The following CDCA4 variants were observed in gnomAD, a reference collection of about 807,000 sequenced individuals.
The protein encoded by CDCA4 is cell division cycle-associated protein 4.
For missense variants in CDCA4, 294 were observed against 322.1 expected, an observed-to-expected ratio of 0.91 and a Z score of 0.67; for synonymous variants, 130 against 137.0, an observed-to-expected ratio of 0.95 and a Z score of 0.36.
At chr14:105,015,596 C>A (rs1030318395) in intron 1 of CDCA4, among the ~76,000 whole-genome samples, 2 of 152,182 alleles carry the variant, frequency 1.3e-5, no homozygotes, top group African/African-American at 4.8e-5. Flanking sequence ...TAACCGACAA[C>A]CTCTCCAGTT....
In CDCA4 at chr14:105,011,077, TG is replaced by T; in HGVS notation, c.*126del. 8.4e-7 allele frequency: 1 copy of T among 1,187,734 alleles called. No homozygotes were observed. Among genetic ancestry groups the T allele is most frequent in the Non-Finnish European group, 1.2e-6 (1 of 868,598 alleles). 73.6% of individuals were successfully genotyped at this position (1,187,734 alleles called of 1,614,324 possible). ...CAGCCCCACTGGTAATGGGCTGTTC[TG>T]GGATTTCTCAGAATCAGCAGACAGG... On this transcript the variant is annotated 3_prime_UTR_variant, in exon 2 of 2. Coordinates refer to ENST00000336219, the MANE Select transcript of CDCA4 (RefSeq NM_017955.4).
chr14:105,017,701 C>A (rs1052781829), intron 1 of CDCA4, among the ~76,000 whole-genome samples: 1 of 151,982 alleles, frequency 6.6e-6, no homozygotes, highest in Non-Finnish European at 1.5e-5. Context: ...TGTGGTGGCA[C>A]GTGCCTGTAG....
intron 1 of CDCA4, among the ~76,000 whole-genome samples, chr14:105,017,964 A>G (rs776371226): frequency 1.3e-5 from 2 of 152,176 alleles, no homozygotes; most frequent in African/African-American, 2.4e-5. Context: ...ATTTCAAAAC[A>G]TTATGCTGAA....
chr14:105,019,983 T>G (rs1385000095), intron 1 of CDCA4, among the ~76,000 whole-genome samples: 1 of 152,230 alleles, frequency 6.6e-6, no homozygotes, highest in Non-Finnish European at 1.5e-5. Flanking sequence ...CTCAAAGTGC[T>G]GGGAGGTGTG....
intron 1 of CDCA4, among the ~76,000 whole-genome samples, chr14:105,020,336 G>C (rs1400456709): frequency 6.6e-6 from 1 of 152,240 alleles, no homozygotes; most frequent in African/African-American, 2.4e-5. Context: ...AAGGCCACAG[G>C]AGAAGCGAGG....
In CDCA4 at chr14:105,010,451, A is replaced by T. The variant is rs1350660274; in HGVS notation, c.*753T>A. The T allele has an allele frequency of 2.0e-5, 3 of 152,216 alleles. No homozygotes were observed. Among genetic ancestry groups the T allele is most frequent in the Non-Finnish European group, 4.4e-5 (3 of 68,034 alleles). 9.4% of individuals were successfully genotyped at this position (152,216 alleles called of 1,614,324 possible). A position where few individuals can be genotyped will look rare whatever the true frequency, so the allele number is the denominator to read the frequency against. On this transcript the variant is annotated 3_prime_UTR_variant, in exon 2 of 2. Transcript: ENST00000336219. ...TTTGTCTTCAATGACATTTACATAT[A>T]AATAGACATAAATAAAATCCTCCAT...
chr14:105,014,475 C>T (rs977225341), intron 1 of CDCA4, among the ~76,000 whole-genome samples: 3 of 152,206 alleles, frequency 2.0e-5, no homozygotes, highest in Non-Finnish European at 2.9e-5. Context: ...ATGCCAGTGT[C>T]ACCACAGGCA....
rs756536228 is a variant in CDCA4, at chr14:105,011,199, C to T, written c.*5G>A. ...GAGGCGGCTGTGAGCACTCAGGGCT[C>T]CTGCTCAGGTCTCCACCAGGATCTC... On this transcript the variant is annotated 3_prime_UTR_variant, in exon 2 of 2. Transcript: ENST00000336219. 13 of 1,602,080 alleles carry T rather than the reference C, an allele frequency of 8.1e-6. No homozygotes were observed. The South Asian group carries it at 1.3e-4, about 17-fold the overall frequency.
At chr14:105,014,746 G>T (rs548264019) in intron 1 of CDCA4, among the ~76,000 whole-genome samples, 2 of 152,210 alleles carry the variant, frequency 1.3e-5, no homozygotes. Flanking sequence ...GACACCCTGC[G>T]TTGGGGAAAA....
chr14:105,017,724 G>C (rs947143867), intron 1 of CDCA4, among the ~76,000 whole-genome samples: 1 of 152,036 alleles, frequency 6.6e-6, no homozygotes, highest in Non-Finnish European at 1.5e-5. Flanking sequence ...CCAGCTACTC[G>C]GGAGGCTGAG....
rs144801862 is a variant in CDCA4 at position 105,012,012 on chromosome 14, T to G, written c.-6-77A>C. On this transcript the variant is annotated intron_variant, in intron 1 of 1. Coordinates refer to ENST00000336219, the MANE Select transcript of CDCA4 (RefSeq NM_017955.4). ...CAGCGCCCCTTGGATTTCGTCTGAC[T>G]GCCCTCACTGTACGCAAGGAGCAGC... The G allele has an allele frequency of 2.0e-3, 2,982 of 1,499,068 alleles. 5 individuals carry two copies. The highest frequency in any genetic ancestry group is 3.6e-3 in the Admixed American group (183 of 51,348). The allele number at this position is 1,499,068 out of a possible 1,614,324, so 92.9% of individuals were successfully genotyped here. A position where few individuals can be genotyped will look rare whatever the true frequency, so the allele number is the denominator to read the frequency against.
In CDCA4 at chr14:105,018,022, G is replaced by T. The variant is rs1256864302; in HGVS notation, c.-7+2977C>A. Among the ~76,000 whole-genome samples, 4 of 152,036 alleles carry T rather than the reference G, an allele frequency of 2.6e-5. No homozygotes were observed. In the East Asian group the frequency reaches 7.8e-4, roughly 29 times the overall value. On this transcript the variant is annotated intron_variant, in intron 1 of 1. Transcript: ENST00000336219. Reference sequence around the variant, plus strand: ...AAAATATGTACCGTAGGATTCTATTGATCTGAACCTTCAGGACAGGCAAAG... The same window carrying T: ...AAAATATGTACCGTAGGATTCTATTTATCTGAACCTTCAGGACAGGCAAAG...
At chr14:105,017,215 A>C (rs892853882) in intron 1 of CDCA4, among the ~76,000 whole-genome samples, 30 of 151,498 alleles carry the variant, frequency 2.0e-4, no homozygotes, top group Non-Finnish European at 3.4e-4. Context: ...TCTCAGTTGT[A>C]AGCATTCTTT....
In CDCA4 at chr14:105,011,275, C is replaced by T; in HGVS notation, c.655G>A (p.Gly219Ser). 1 of 1,613,854 alleles carries T rather than the reference C, an allele frequency of 6.2e-7. No individual in the cohort carries two copies. Among genetic ancestry groups the T allele is most frequent in the Non-Finnish European group, 8.5e-7 (1 of 1,179,952 alleles). The change falls in exon 2 of 2, where the codon GGC (glycine) becomes AGC (serine). Residue 219 changes from glycine to serine, a missense_variant. Physicochemically the swap from Gly to Ser is moderately conservative, Grantham distance 56. Coordinates refer to ENST00000336219, the MANE Select transcript of CDCA4 (RefSeq NM_017955.4). ...TCGGACTTGCAGCTGGAGCTAGGGC[C>T]TGGGGTGGCCGGAGCCAAGCCCTCG... ...GLEGLAPATP[G>S]PSSSCKSDLG...
At chr14:105,020,039 G>A (rs940110121) in intron 1 of CDCA4, among the ~76,000 whole-genome samples, 14 of 152,176 alleles carry the variant, frequency 9.2e-5, no homozygotes, top group African/African-American at 3.4e-4. Context: ...TACTTGGAAC[G>A]AAACACACTC....
intron 1 of CDCA4, among the ~76,000 whole-genome samples, chr14:105,018,692 C>T (rs1289911610): frequency 1.3e-5 from 2 of 151,970 alleles, no homozygotes; most frequent in Non-Finnish European, 2.9e-5. Context: ...TGAGAAAGGG[C>T]CCTATACCAT....
intron 1 of CDCA4, among the ~76,000 whole-genome samples, chr14:105,018,292 A>T (rs1207060495): frequency 6.6e-6 from 1 of 152,036 alleles, no homozygotes; most frequent in Non-Finnish European, 1.5e-5. Context: ...CCAGGAGAAT[A>T]TCCCTGTTCA....
chr14:105,018,451 C>A (rs1303278608), intron 1 of CDCA4, among the ~76,000 whole-genome samples: 1 of 152,118 alleles, frequency 6.6e-6, no homozygotes, highest in Non-Finnish European at 1.5e-5. Context: ...GTCACGTGAC[C>A]CCAAAGAGCT....
intron 1 of CDCA4, among the ~76,000 whole-genome samples, chr14:105,015,551 T>C (rs753451376): frequency 2.3e-5 from 2 of 87,944 alleles, no homozygotes; most frequent in African/African-American, 6.2e-5. Context: ...ATCATTTCCA[T>C]AGCAAGCAGC....
Sources: allele counts gnomAD v4.1 joint callset (sites outside exome capture counted in the v4.1 genomes callset), GRCh38; gene constraint gnomAD v4.1.1; transcripts MANE v1.5; gene names NCBI Gene and HGNC (gene_info 2026-07-23, HGNC 2026-07-21).